The following NME9 variants were observed in gnomAD, a reference collection of about 807,000 sequenced individuals.
The protein encoded by NME9 is NME/NM23 family member 9.
Under a neutral mutation model 44.4 loss-of-function variants are expected in NME9, and 48 were observed. The observed-to-expected ratio is 1.08, with a 90% CI of 0.86 to 1.37. NME9 has a LOEUF of 1.37. Ranked by LOEUF, NME9 falls within the 40% of genes most tolerant of loss-of-function variation. The pLI is 0.00. For synonymous variants in NME9, 139 were observed against 147.1 expected (o/e 0.94, Z 0.40); for missense variants, 325 against 405.2 (o/e 0.80, Z 1.70).
At chr3:138,290,698 G>A (rs2050854116) in intron 8 of NME9, 2 of 1,136,922 alleles carry the variant, frequency 1.8e-6, no homozygotes, top group African/African-American at 3.1e-5. Flanking sequence ...TCGTGAAAGG[G>A]TTTGAATTGC....
intron 8 of NME9, among the ~76,000 whole-genome samples, chr3:138,270,285 G>A (rs2048666613): frequency 1.3e-5 from 2 of 152,112 alleles, no homozygotes; most frequent in South Asian, 4.1e-4. Flanking sequence ...GGACCTAGAA[G>A]GCTTAGTATT....
At chr3:138,269,950 A>T in intron 8 of NME9, 4 of 747,134 alleles carry the variant, frequency 5.4e-6, no homozygotes, top group Non-Finnish European at 8.8e-6. Flanking sequence ...AAGAGTGGGG[A>T]AGAAATCACA....
At chr3:138,284,387 G>T in intron 8 of NME9, 2 of 1,483,602 alleles carry the variant, frequency 1.3e-6, no homozygotes, top group Middle Eastern at 1.7e-4. Context: ...TTGACTCTGG[G>T]ACTTCAGAGC....
At chr3:138,265,831 A>G (rs1043160716) in intron 8 of NME9, among the ~76,000 whole-genome samples, 15 of 152,166 alleles carry the variant, frequency 9.9e-5, no homozygotes, top group African/African-American at 3.1e-4. Context: ...TGGTTCTTCC[A>G]TTGAGGAGGT....
intron 6 of NME9, among the ~76,000 whole-genome samples, chr3:138,307,039 T>C (rs1392991659): frequency 6.6e-6 from 1 of 152,158 alleles, no homozygotes; most frequent in African/African-American, 2.4e-5. Context: ...TAAAAATGGC[T>C]CCTCCAGGCC....
At chr3:138,276,697 A>G (rs1337764447) in intron 8 of NME9, among the ~76,000 whole-genome samples, 1 of 152,242 alleles carries the variant, frequency 6.6e-6, no homozygotes, top group Non-Finnish European at 1.5e-5. Flanking sequence ...ATGAAATTCT[A>G]TGTATAAATC....
In NME9 at chr3:138,305,000, T is replaced by C; in HGVS notation, c.664A>G (p.Met222Val). Residue 222 changes from methionine (M) to valine (V), a missense_variant, in exon 9 of 11, where the codon ATG becomes GTG. Transcript: ENST00000333911. ...AGGAGGTGGCTTGGTCCACTGCACA[T>C]GTGATGTACCAGCTTCTCAAATGCC... ...EEAFEKLVHH[M>V]CSGPSHLLIL... is the part of the protein sequence containing the mutation. The C allele has an allele frequency of 6.2e-7, 1 of 1,614,042 alleles. No homozygotes were observed. Among genetic ancestry groups the C allele is most frequent in the Non-Finnish European group, 8.5e-7 (1 of 1,179,970 alleles).
chr3:138,309,317 AAG>A, intron 6 of NME9, among the ~76,000 whole-genome samples: 1 of 146,792 alleles, frequency 6.8e-6, no homozygotes, highest in East Asian at 2.0e-4. Context: ...AAAAAAAAAG[AAG>A]GAATGCCTAA....
At chr3:138,290,689 C>A in intron 8 of NME9, 1 of 1,264,840 alleles carries the variant, frequency 7.9e-7, no homozygotes, top group Non-Finnish European at 1.1e-6. Context: ...TGGATTCTTT[C>A]GTGAAAGGGT....
intron 8 of NME9, chr3:138,274,678 A>G (rs1560030464): frequency 1.5e-6 from 1 of 653,690 alleles, no homozygotes; most frequent in East Asian, 2.7e-5. Context: ...ATAGGAAGAA[A>G]TATCTTCCAC....
chr3:138,284,564 C>A, intron 8 of NME9: 1 of 1,423,076 alleles, frequency 7.0e-7, no homozygotes, highest in Non-Finnish European at 9.9e-7. Flanking sequence ...GATTAGAATG[C>A]AGGGACTGTT....
At chr3:138,270,312 C>A (rs1365123356) in intron 8 of NME9, among the ~76,000 whole-genome samples, 2 of 152,182 alleles carry the variant, frequency 1.3e-5, no homozygotes, top group Non-Finnish European at 2.9e-5. Flanking sequence ...ACAGATTTAA[C>A]TGTAAGCAAG....
intron 9 of NME9, among the ~76,000 whole-genome samples, chr3:138,304,086 G>A (rs917143290): frequency 4.6e-5 from 7 of 152,216 alleles, no homozygotes; most frequent in Non-Finnish European, 7.4e-5. Flanking sequence ...AGCACTACTC[G>A]GTGAGATATA....
intron 8 of NME9, among the ~76,000 whole-genome samples, chr3:138,275,808 T>G (rs1367757229): frequency 7.9e-5 from 12 of 152,174 alleles, no homozygotes; most frequent in Non-Finnish European, 1.5e-4. Context: ...ATAAAGTGAT[T>G]TTAAGACAGA....
In NME9 at chr3:138,278,694, T is replaced by C. The variant is rs555445237; in HGVS notation, c.746-16108A>G. 5.9e-5 allele frequency among the ~76,000 whole-genome samples: 9 copies of C among 152,318 alleles called. No homozygotes were observed. The South Asian group carries it at 1.9e-3, about 32-fold the overall frequency. ...TATTGAGTCTTCCAATTCATGAATA[T>C]ATCTTCCCAATTATTTAGGTCTTCT... On this transcript the variant is annotated intron_variant, in intron 8 of 8. Transcript: ENST00000317876.
chr3:138,304,946 C>A lies in NME9; in HGVS notation c.718G>T (p.Asp240Tyr). ...ACGGTTCGCCAGGTAGTGACCACGT[C>A]CTCGAAGCCCTCAGTCCTGGTGAGG... ...LILTRTEGFE[D>Y]VVTTWRTVMG... The change falls in exon 9 of 11, where the codon GAC (aspartate) becomes TAC (tyrosine). Residue 240 changes from aspartate (D) to tyrosine (Y), a missense_variant. Physicochemically the swap from Asp to Tyr is radical, Grantham distance 160 (BLOSUM62 -3). Coordinates refer to ENST00000333911, the MANE Select transcript of NME9 (RefSeq NM_001349018.2). 6.2e-7 allele frequency: 1 copy of A among 1,614,168 alleles called. No individual in the cohort carries two copies. The highest frequency in any genetic ancestry group is 8.5e-7 in the Non-Finnish European group (1 of 1,180,020).
At chr3:138,313,879 G>GAGT (rs1337123985) in intron 6 of NME9, among the ~76,000 whole-genome samples, 1 of 152,190 alleles carries the variant, frequency 6.6e-6, no homozygotes. Context: ...TGAAGATAGA[G>GAGT]AGTAGATTGG....
intron 8 of NME9, among the ~76,000 whole-genome samples, chr3:138,279,238 C>CT (rs1274480309): frequency 5.3e-5 from 8 of 151,820 alleles, no homozygotes; most frequent in African/African-American, 1.9e-4. Flanking sequence ...ATTATTTTTA[C>CT]TTTTTTATTT....
At chr3:138,298,712 C>T (rs1225603826), downstream of NME9, among the ~76,000 whole-genome samples, 3 of 152,220 alleles carry the variant, frequency 2.0e-5, no homozygotes, top group African/African-American at 7.2e-5. Context: ...CTACCACCAG[C>T]TTGCATCTCC....
Sources: gnomAD v4.1 joint callset for allele counts (sites outside exome capture counted in the v4.1 genomes callset) on GRCh38, gnomAD v4.1.1 for gene constraint, MANE v1.5 for transcripts, NCBI Gene and HGNC (gene_info 2026-07-23, HGNC 2026-07-21) for gene names.